LMO7: variants seen among roughly 807,000 people sequenced by gnomAD.
LMO7 encodes the protein LIM domain only protein 7.
In LMO7, 120 loss-of-function variants were observed where a neutral mutation model predicts 206.5. The observed-to-expected ratio is 0.58, with a 90% CI of 0.50 to 0.68. The LOEUF (loss-of-function observed/expected upper bound fraction) is 0.68. LMO7 is among the 30% of genes least tolerant of loss of function. The pLI, the probability that LMO7 is intolerant of heterozygous loss-of-function variation, is 0.00. For missense variants in LMO7, 1,959 were observed against 1,957.9 expected (o/e 1.00, Z -0.01); for synonymous variants, 706 against 681.5 (o/e 1.04, Z -0.56).
chr13:75,787,353 G>A (rs2052598568), intron 4 of LMO7, among the ~76,000 whole-genome samples: 1 of 152,190 alleles, frequency 6.6e-6, no homozygotes, highest in Non-Finnish European at 1.5e-5. Context: ...TTCGGCTCCT[G>A]CAGCAGCACT....
upstream of LMO7, chr13:75,636,230 A>G (rs1171804248): frequency 6.4e-6 from 6 of 933,288 alleles, no homozygotes; most frequent in Non-Finnish European, 7.6e-6. Context: ...GGAGGGGCAG[A>G]CGGAAGCGGC....
At chr13:75,798,108 T>C (rs1310394148) in intron 6 of LMO7, among the ~76,000 whole-genome samples, 1 of 152,182 alleles carries the variant, frequency 6.6e-6, no homozygotes, top group Admixed American at 6.5e-5. Flanking sequence ...CAGTGGCTCA[T>C]GCCTGTAATC....
At chr13:75,836,339 T>C in intron 18 of LMO7, 58 bp from the exon 19 acceptor site, 1 of 908,030 alleles carries the variant, frequency 1.1e-6, no homozygotes, top group Non-Finnish European at 1.7e-6. Context: ...CGAAATGCAT[T>C]ATTTAAGGCC....
intron 3 of LMO7, among the ~76,000 whole-genome samples, chr13:75,757,956 G>C (rs530658245): frequency 9.2e-5 from 14 of 152,166 alleles, no homozygotes; most frequent in Admixed American, 3.3e-4. Context: ...TGAAATATTT[G>C]TGTGATGGGT....
At position 75,800,712 on chromosome 13, in the gene LMO7, G is replaced by C. The variant is rs771102599; in HGVS notation, c.491G>C (p.Arg164Thr). Residue 164 changes from arginine to threonine, a missense_variant, in exon 7 of 31, where the codon AGA becomes ACA. Coordinates refer to ENST00000377534, the MANE Select transcript of LMO7 (RefSeq NM_001306080.2). ...KALEDSSFLKRSGRDSGYGDI... is the reference protein window; with the variant it reads ...KALEDSSFLKTSGRDSGYGDI... ...CTCGAAGACTCCAGCTTCCTGAAAA[G>C]AAGTGGCAGGGACAGTGGCTACGGT... 3 of 1,614,122 alleles carry C rather than the reference G, an allele frequency of 1.9e-6. No individual in the cohort carries two copies. The highest frequency in any genetic ancestry group is 2.5e-6 in the Non-Finnish European group (3 of 1,179,982).
At chr13:75,637,603 C>T (rs2036078485) in intron 1 of LMO7, among the ~76,000 whole-genome samples, 2 of 152,146 alleles carry the variant, frequency 1.3e-5, no homozygotes, top group African/African-American at 4.8e-5. Context: ...GCCCTGCAGT[C>T]ATTTAGGAGT....
rs753970280 is a variant in LMO7, at chr13:75,833,112, G to C, written c.3011G>C (p.Gly1004Ala). The change falls in exon 16 of 31, where the codon GGG becomes GCG. Residue 1004 changes from glycine (G) to alanine (A), a missense_variant. Coordinates refer to ENST00000377534, the MANE Select transcript of LMO7 (RefSeq NM_001306080.2). ...NQTPGKSLDF[G>A]FTIKWDIPGI... ...ACGCCTGGGAAGAGTCTTGACTTTG[G>C]GTTTACAATAAAATGGGATATTCCT... 1 of 1,611,668 alleles carries C rather than the reference G, an allele frequency of 6.2e-7. No homozygotes were observed. Among genetic ancestry groups the C allele is most frequent in the South Asian group, 1.1e-5 (1 of 91,012 alleles).
At chr13:75,829,049 G>A (rs1021256049) in intron 15 of LMO7, among the ~76,000 whole-genome samples, 11 of 152,084 alleles carry the variant, frequency 7.2e-5, no homozygotes, top group Admixed American at 3.9e-4. Context: ...AGGTTTGGGC[G>A]GAAGATAATG....
At chr13:75,783,812 T>C (rs1280397715) in intron 4 of LMO7, among the ~76,000 whole-genome samples, 1 of 152,202 alleles carries the variant, frequency 6.6e-6, no homozygotes, top group Non-Finnish European at 1.5e-5. Flanking sequence ...TTTGGTCTGA[T>C]GGTATGTTTT....
intron 3 of LMO7, among the ~76,000 whole-genome samples, chr13:75,730,023 G>T (rs1250436356): frequency 6.6e-6 from 1 of 151,800 alleles, no homozygotes; most frequent in Admixed American, 6.6e-5. Context: ...TGCTGGATTC[G>T]GTTTGCCAGT....
chr13:75,656,690 A>G lies in LMO7; in HGVS notation c.69+19964A>G, dbSNP rs1167889367. Among the ~76,000 whole-genome samples the G allele has an allele frequency of 3.9e-5, 6 of 152,252 alleles. No individual in the cohort carries two copies. The South Asian group carries it at 1.2e-3, about 32-fold the overall frequency. ...AGAGAGATCCTAGCCAACAAGTTTC[A>G]TGTGGATGTGGAGTGTGTGGCTCTT... On this transcript the variant is annotated intron_variant, in intron 1 of 30. Transcript: ENST00000377534.
chr13:75,774,450 G>T (rs2120067), intron 4 of LMO7, among the ~76,000 whole-genome samples: 1 of 151,868 alleles, frequency 6.6e-6, no homozygotes. Context: ...ATGGACATTT[G>T]TGTATCCAAG....
chr13:75,695,802 G>A (rs546563643), intron 1 of LMO7, among the ~76,000 whole-genome samples: 1 of 152,286 alleles, frequency 6.6e-6, no homozygotes, highest in Admixed American at 6.5e-5. Context: ...AGAAGCTCTC[G>A]TGTATTTAAT....
Position 75,636,686 on chromosome 13 carries a change from A to G in LMO7, c.29A>G (p.Asn10Ser), listed in dbSNP as rs758481617. The G allele has an allele frequency of 5.0e-6, 8 of 1,609,564 alleles. No homozygotes were observed. The South Asian group carries it at 5.6e-5, about 11-fold the overall frequency. MEGLEEAEA[N>S]CSVAFAEAQR... is the part of the protein sequence containing the mutation. ...GAAGGGCTGGAGGAGGCAGAGGCCA[A>G]CTGCTCCGTGGCGTTCGCTGAGGCT... The change falls in exon 1 of 31, where the codon AAC (asparagine) becomes AGC (serine). Residue 10 changes from asparagine to serine, a missense_variant. Physicochemically the swap from Asn to Ser is conservative, Grantham distance 46 (BLOSUM62 1). Transcript: ENST00000377534.
At chr13:75,857,582 TTCTC>T in intron 30 of LMO7, 1 of 180,154 alleles carries the variant, frequency 5.6e-6, no homozygotes, top group Non-Finnish European at 1.2e-5. Context: ...GTGTGTGTTT[TTCTC>T]TCTCTCATCA....
Position 75,790,266 on chromosome 13 carries a change from A to G in LMO7, c.318-5135A>G, listed in dbSNP as rs143813956. On this transcript the variant is annotated intron_variant, in intron 4 of 30. Coordinates refer to ENST00000377534, the MANE Select transcript of LMO7 (RefSeq NM_001306080.2). ...GTAGTTTGGCTGAGATGGATAATTA[A>G]GGAATAGCCTTGAATTGTCTCACTT... Among the ~76,000 whole-genome samples, 1,021 of 152,274 alleles carry G rather than the reference A, an allele frequency of 6.7e-3. 18 individuals carry two copies. The highest frequency in any genetic ancestry group is 0.034 in the Middle Eastern group (10 of 294).
chr13:75,775,731 T>C (rs930011320), intron 4 of LMO7, among the ~76,000 whole-genome samples: 2 of 152,006 alleles, frequency 1.3e-5, no homozygotes, highest in Non-Finnish European at 2.9e-5. Flanking sequence ...CATCAGAGAA[T>C]GCAAATTAAA....
intron 4 of LMO7, among the ~76,000 whole-genome samples, chr13:75,787,061 A>T (rs2140471789): frequency 6.6e-6 from 1 of 152,314 alleles, no homozygotes; most frequent in East Asian, 1.9e-4. Context: ...CAGGAGAAAA[A>T]TCATGTGTGA....
At chr13:75,777,307 A>T (rs570241430) in intron 4 of LMO7, among the ~76,000 whole-genome samples, 1 of 152,246 alleles carries the variant, frequency 6.6e-6, no homozygotes, top group Admixed American at 6.5e-5. Flanking sequence ...TTTAAAGACA[A>T]CTTACCTGCT....
Sources: allele counts gnomAD v4.1 joint callset (sites outside exome capture counted in the v4.1 genomes callset), GRCh38; gene constraint gnomAD v4.1.1; transcripts MANE v1.5; gene names NCBI Gene and HGNC (gene_info 2026-07-23, HGNC 2026-07-21).